Variants in FAT2 observed in about 807,000 individuals in gnomAD.
FAT2 encodes protocadherin Fat 2.
In FAT2, 150 loss-of-function variants were observed where a neutral mutation model predicts 295.3. The ratio of observed to expected loss-of-function variants is 0.51; its 90% confidence interval spans 0.44 to 0.58. The LOEUF is 0.58. Ranked by LOEUF, FAT2 falls within the 20% of genes least tolerant of loss-of-function variation. The pLI is 0.00. For missense variants in FAT2, 4,868 were observed against 5,442.7 expected, an observed-to-expected ratio of 0.89 and a Z score of 3.32; for synonymous variants, 2,026 against 2,150.3, an observed-to-expected ratio of 0.94 and a Z score of 1.60.
rs1009913008 is a variant in FAT2 at position 151,543,941 on chromosome 5, G to A, written c.7186C>T (p.His2396Tyr). Residue 2396 changes from histidine to tyrosine, a missense_variant, in exon 10 of 24, where the codon CAC (histidine) becomes TAC (tyrosine). Coordinates refer to ENST00000261800, the MANE Select transcript of FAT2 (RefSeq NM_001447.3). ...ATAGCCTGGACTTTAAGAACCAGGTGTCCACAGGTTGCCAGTTCACTGACA... is the reference window on the plus strand; with the variant it reads ...ATAGCCTGGACTTTAAGAACCAGGTATCCACAGGTTGCCAGTTCACTGACA... ...ANVSELATCG[H>Y]LVLKVQAIDP... is the part of the protein sequence containing the mutation. 3 of 1,614,114 alleles carry A rather than the reference G, an allele frequency of 1.9e-6. No individual in the cohort carries two copies. Among genetic ancestry groups the A allele is most frequent in the Non-Finnish European group, 2.5e-6 (3 of 1,180,026 alleles).
chr5:151,542,985 T>C lies in FAT2; in HGVS notation c.8142A>G (p.Lys2714=). 6.2e-7 allele frequency: 1 copy of C among 1,614,208 alleles called. No individual in the cohort carries two copies. Among genetic ancestry groups the C allele is most frequent in the East Asian group, 2.2e-5 (1 of 44,892 alleles). Residue 2714 remains lysine, a synonymous_variant, in exon 10 of 24, where the codon AAA becomes AAG. Transcript: ENST00000261800. ...TGACTGGATCTTGAGCTGCCACTGC[T>C]TTAACAATCCCAATTTCAGACCCCT... ...LPEGSEIGIV[K]AVAAQDPVIY...
At chr5:151,532,620 G>C (rs193016938) in intron 13 of FAT2, among the ~76,000 whole-genome samples, 3 of 152,158 alleles carry the variant, frequency 2.0e-5, no homozygotes, top group African/African-American at 7.2e-5. Context: ...CTATAATTAC[G>C]TCAACATAAA....
chr5:151,540,254 C>T (rs1755977755), intron 11 of FAT2, among the ~76,000 whole-genome samples: 1 of 152,156 alleles, frequency 6.6e-6, no homozygotes, highest in Non-Finnish European at 1.5e-5. Context: ...ATGGTCCCTG[C>T]CCCTGGGAGC....
At chr5:151,533,328 A>T (rs1179292990) in intron 13 of FAT2, among the ~76,000 whole-genome samples, 1 of 151,234 alleles carries the variant, frequency 6.6e-6, no homozygotes, top group South Asian at 2.1e-4. Context: ...TGTATTCCAG[A>T]TCTCTCCTAT....
Position 151,505,528 on chromosome 5 carries a change from C to T in FAT2, c.*37G>A, listed in dbSNP as rs755311016. 6.2e-7 allele frequency: 1 copy of T among 1,612,500 alleles called. No homozygotes were observed. The highest frequency in any genetic ancestry group is 8.5e-7 in the Non-Finnish European group (1 of 1,179,498). ...AGGAAGAAATAAGCCAAGTCCAGTC[C>T]TTGGCCTCCCGCCTGCCTTGCTCTG... On this transcript the variant is annotated 3_prime_UTR_variant, in exon 24 of 24. Coordinates refer to ENST00000261800, the MANE Select transcript of FAT2 (RefSeq NM_001447.3).
At chr5:151,515,452 T>C (rs1752761280) in intron 20 of FAT2, among the ~76,000 whole-genome samples, 1 of 152,140 alleles carries the variant, frequency 6.6e-6, no homozygotes, top group African/African-American at 2.4e-5. Flanking sequence ...CCTCACAACA[T>C]TAGGCTTGTC....
intron 1 of FAT2, among the ~76,000 whole-genome samples, chr5:151,572,966 T>C (rs1758592631): frequency 6.6e-6 from 1 of 152,240 alleles, no homozygotes; most frequent in Non-Finnish European, 1.5e-5. Context: ...AATGTGCACA[T>C]TTACAAGAGG....
Position 151,512,138 on chromosome 5 carries a change from G to A in FAT2, c.11905+27C>T. ...GAAGAGCCTTCTGGGATAAACCCTG[G>A]GTTCAGCCTGGCACCCCAGCCCTCA... On this transcript the variant is annotated intron_variant, in intron 21 of 23. Transcript: ENST00000261800. The surrounding 1 kb of genome is among the most constrained non-coding windows in gnomAD (Gnocchi z 4.1). The A allele has an allele frequency of 6.3e-7, 1 of 1,597,122 alleles. No homozygotes were observed. The highest frequency in any genetic ancestry group is 8.6e-7 in the Non-Finnish European group (1 of 1,167,686).
In FAT2 at chr5:151,568,558, G is replaced by T; in HGVS notation, c.374C>A (p.Thr125Asn). The change falls in exon 2 of 24, where the codon ACC becomes AAC. Residue 125 changes from threonine to asparagine, a missense_variant. Transcript: ENST00000261800. ...YTLIIQATEKTLELEALTRVV... is the reference protein window; with the variant it reads ...YTLIIQATEKNLELEALTRVV... ...ACGGGTCAAAGCTTCCAACTCCAAG[G>T]TCTTCTCTGTGGCTTGGATGATGAG... 1 of 1,614,122 alleles carries T rather than the reference G, an allele frequency of 6.2e-7. No individual in the cohort carries two copies. Among genetic ancestry groups the T allele is most frequent in the Non-Finnish European group, 8.5e-7 (1 of 1,180,014 alleles).
At chr5:151,560,243 CTCTT>C (rs1757962837) in intron 3 of FAT2, among the ~76,000 whole-genome samples, 1 of 152,208 alleles carries the variant, frequency 6.6e-6, no homozygotes, top group Non-Finnish European at 1.5e-5. Flanking sequence ...TTCAGCTAAG[CTCTT>C]TCTATAGCTT....
At chr5:151,577,087 A>G (rs563295155) in intron 1 of FAT2, among the ~76,000 whole-genome samples, 31 of 152,380 alleles carry the variant, frequency 2.0e-4, no homozygotes, top group South Asian at 1.2e-3. Flanking sequence ...GATGTGCTAC[A>G]TGACTGTATA....
rs533152133 is a variant in FAT2 at position 151,524,317 on chromosome 5, C to G, written c.10506+1451G>C. The stretch of plus-strand genomic sequence containing the variant: ...TACTACCAAGTATTATTTTTAGTGC[C>G]TGTTTTGGACTCTATGTTTGTGTCC... On this transcript the variant is annotated intron_variant, in intron 18 of 23. Transcript: ENST00000261800. 3.2e-4 allele frequency among the ~76,000 whole-genome samples: 49 copies of G among 152,258 alleles called. No homozygotes were observed. In the South Asian group the frequency reaches 1.0e-2, roughly 31 times the overall value.
Position 151,546,233 on chromosome 5 carries a change from C to T in FAT2, c.4894G>A (p.Ala1632Thr), listed in dbSNP as rs777442528. The change falls in exon 10 of 24, where the codon GCA (alanine) becomes ACA (threonine). Residue 1632 changes from alanine to threonine, a missense_variant. Ala to Thr is a moderately conservative substitution (Grantham distance 58). Around this residue, in one of 5 missense-constraint regions of FAT2, gnomAD observed 3,297 missense variants for 3,669.4 expected, o/e 0.90. Coordinates refer to ENST00000261800, the MANE Select transcript of FAT2 (RefSeq NM_001447.3). Reference sequence around the variant, plus strand: ...CATTGTGGGGAGCCTTGATCTTCTGCCTTCACTGTCAGAGTATGTGGGGCA... The same window carrying T: ...CATTGTGGGGAGCCTTGATCTTCTGTCTTCACTGTCAGAGTATGTGGGGCA... ...NHAPHTLTVK[A>T]EDQGSPQWHD... The T allele has an allele frequency of 1.6e-4, 258 of 1,614,008 alleles. No homozygotes were observed. Among genetic ancestry groups the T allele is most frequent in the Non-Finnish European group, 2.1e-4 (251 of 1,180,026 alleles).
chr5:151,517,564 C>G, intron 20 of FAT2, 56 bp downstream of exon 20: 1 of 1,607,036 alleles, frequency 6.2e-7, no homozygotes, highest in Non-Finnish European at 8.5e-7. Context: ...GCCTCACCCC[C>G]TACCTCCCCA....
rs1756448650 is a variant in FAT2, at chr5:151,544,642, G to C, written c.6485C>G (p.Thr2162Ser). 1 of 1,614,136 alleles carries C rather than the reference G, an allele frequency of 6.2e-7. No homozygotes were observed. The highest frequency in any genetic ancestry group is 1.3e-5 in the African/African-American group (1 of 75,018). ...SLQSEEEVLV[T>S]VRNKSNPLFQ... Reference sequence around the variant, plus strand: ...CAGTGGGTTGGATTTATTTCTCACAGTGACAAGTACCTCTTCCTCACTCTG... The same window carrying C: ...CAGTGGGTTGGATTTATTTCTCACACTGACAAGTACCTCTTCCTCACTCTG... The change falls in exon 10 of 24, where the codon ACT becomes AGT. Residue 2162 changes from threonine (T) to serine (S), a missense_variant. Transcript: ENST00000261800.
chr5:151,527,436 C>G (rs1310462134), intron 16 of FAT2, 59 bp from the exon 17 acceptor site: 4 of 1,460,288 alleles, frequency 2.7e-6, no homozygotes, highest in Non-Finnish European at 2.8e-6. Flanking sequence ...ACTTCTGCCC[C>G]CTGAGTCATC....
chr5:151,548,912 T>C (rs1251029860), intron 9 of FAT2, among the ~76,000 whole-genome samples: 2 of 152,234 alleles, frequency 1.3e-5, no homozygotes, highest in Non-Finnish European at 2.9e-5. Context: ...TGGAGCCTTA[T>C]CAGAAAATAA....
At position 151,506,042 on chromosome 5, in the gene FAT2, C is replaced by A; in HGVS notation, c.12573G>T (p.Trp4191Cys). 1 of 1,563,060 alleles carries A rather than the reference C, an allele frequency of 6.4e-7. No individual in the cohort carries two copies. The highest frequency in any genetic ancestry group is 8.6e-7 in the Non-Finnish European group (1 of 1,160,168). The change falls in exon 24 of 24, where the codon TGG (tryptophan) becomes TGT (cysteine). Residue 4191 changes from tryptophan (W) to cysteine (C), a missense_variant. Physicochemically the swap from Trp to Cys is radical, Grantham distance 215. Coordinates refer to ENST00000261800, the MANE Select transcript of FAT2 (RefSeq NM_001447.3). ...WPPTYSRNERWEYPHSEVTQG... is the reference protein window; with the variant it reads ...WPPTYSRNERCEYPHSEVTQG... ...GAGTCACTTCGGAGTGGGGGTATTC[C>A]CAGCGTTCGTTCCTGGAGTAAGTAG...
At chr5:151,565,505 T>A (rs1365736824) in intron 2 of FAT2, among the ~76,000 whole-genome samples, 168 bp downstream of exon 2, 4 of 151,836 alleles carry the variant, frequency 2.6e-5, no homozygotes, top group African/African-American at 9.7e-5. Context: ...ATATTCCCAG[T>A]AAAAACAAAT....
Sources: gnomAD v4.1 joint callset for allele counts (sites outside exome capture counted in the v4.1 genomes callset) on GRCh38, gnomAD v4.1.1 for gene constraint, gnomAD v4.1.1 regional missense constraint, Gnocchi (gnomAD v3.1) non-coding constraint, MANE v1.5 for transcripts, NCBI Gene and HGNC (gene_info 2026-07-23, HGNC 2026-07-21) for gene names.